EPHA6: variants seen among roughly 807,000 people sequenced by gnomAD.
EPHA6 encodes ephrin type-A receptor 6.
In EPHA6, 50 loss-of-function variants were observed where a neutral mutation model predicts 112.0. The observed-to-expected ratio is 0.45, with a 90% confidence interval of 0.36 to 0.56. The LOEUF is 0.56. EPHA6 is among the 20% of genes least tolerant of loss of function. The pLI is 0.00. For synonymous variants in EPHA6, 529 were observed against 490.7 expected, an observed-to-expected ratio of 1.08 and a Z score of -1.03; for missense variants, 1,280 against 1,417.4, an observed-to-expected ratio of 0.90 and a Z score of 1.56.
intron 3 of EPHA6, among the ~76,000 whole-genome samples, chr3:97,120,997 C>T (rs1015266725): frequency 1.3e-5 from 2 of 151,944 alleles, no homozygotes; most frequent in South Asian, 2.1e-4. Context: ...AGAAATGTTA[C>T]GTTCCTGCCA....
intron 11 of EPHA6, among the ~76,000 whole-genome samples, chr3:97,537,135 G>T (rs958900484): frequency 7.2e-5 from 11 of 152,134 alleles, no homozygotes; most frequent in African/African-American, 2.4e-4. Flanking sequence ...CTTATAATTT[G>T]TAAAGTAGAA....
At chr3:97,241,179 TA>T (rs35234856) in intron 4 of EPHA6, among the ~76,000 whole-genome samples, 14,203 of 143,690 alleles carry the variant, frequency 0.099, 1,417 homozygotes, top group Admixed American at 0.23. Context: ...GTTTTCTAGT[TA>T]AAAAAAAAAA....
At chr3:97,560,508 C>G (rs1016535977) in intron 11 of EPHA6, 31 of 152,062 alleles carry the variant, frequency 2.0e-4, no homozygotes, top group Non-Finnish European at 2.1e-4. Flanking sequence ...CCACATATGG[C>G]TGGTGGCTAC....
At chr3:97,491,618 C>CTT in intron 10 of EPHA6, among the ~76,000 whole-genome samples, 1 of 139,740 alleles carries the variant, frequency 7.2e-6, no homozygotes, top group African/African-American at 2.6e-5. Context: ...TAAGGGTATG[C>CTT]TTTTTTTTTT....
intron 5 of EPHA6, among the ~76,000 whole-genome samples, chr3:97,352,210 G>C (rs1288828660): frequency 1.3e-5 from 2 of 151,942 alleles, no homozygotes; most frequent in African/African-American, 2.4e-5. Context: ...GACAATATCA[G>C]AAATATATTT....
chr3:96,891,640 C>T (rs1575943205), intron 2 of EPHA6, among the ~76,000 whole-genome samples: 2 of 151,956 alleles, frequency 1.3e-5, no homozygotes, highest in South Asian at 2.1e-4. Context: ...ACCCGGGAGG[C>T]GGAGGTTTCA....
chr3:96,913,503 G>A (rs2039336884), intron 2 of EPHA6, among the ~76,000 whole-genome samples: 1 of 152,016 alleles, frequency 6.6e-6, no homozygotes, highest in Admixed American at 6.6e-5. Context: ...TCATAGAGAA[G>A]CTCTCTAATT....
At chr3:97,117,308 T>C (rs1180883286) in intron 3 of EPHA6, among the ~76,000 whole-genome samples, 2 of 151,742 alleles carry the variant, frequency 1.3e-5, no homozygotes, top group African/African-American at 4.8e-5. Flanking sequence ...TCCTTTGCAG[T>C]GTGTAAGATT....
chr3:97,244,166 A>G lies in EPHA6; in HGVS notation c.1485A>G (p.Ile495Met), dbSNP rs2108582143. The change falls in exon 5 of 18, where the codon ATA becomes ATG. Residue 495 changes from isoleucine to methionine, a missense_variant. Physicochemically the swap from Ile to Met is conservative, Grantham distance 10 (BLOSUM62 1). Coordinates refer to ENST00000389672, the MANE Select transcript of EPHA6 (RefSeq NM_001080448.3). Reference sequence around the variant, plus strand: ...CAGGCCTGATCAACAATTCCGTGATAGTACTTGACTTTGTGTCTCACGTGA... The same window carrying G: ...CAGGCCTGATCAACAATTCCGTGATGGTACTTGACTTTGTGTCTCACGTGA... Reference protein sequence around the residue: ...RHTGLINNSVIVLDFVSHVNY... With the variant: ...RHTGLINNSVMVLDFVSHVNY... 1 of 1,613,184 alleles carries G rather than the reference A, an allele frequency of 6.2e-7. No homozygotes were observed. The highest frequency in any genetic ancestry group is 8.5e-7 in the Non-Finnish European group (1 of 1,179,386).
At chr3:97,175,650 T>C (rs1011116499) in intron 3 of EPHA6, among the ~76,000 whole-genome samples, 2 of 151,916 alleles carry the variant, frequency 1.3e-5, no homozygotes, top group Non-Finnish European at 2.9e-5. Context: ...TGTGTGGCTA[T>C]TGTAAATGTA....
intron 10 of EPHA6, among the ~76,000 whole-genome samples, chr3:97,522,530 C>G (rs2092559714): frequency 6.6e-6 from 1 of 152,058 alleles, no homozygotes; most frequent in South Asian, 2.1e-4. Context: ...TTGTTCTTGT[C>G]TGGCTTCAGT....
Position 97,608,861 on chromosome 3 carries a change from G to T in EPHA6, c.2513-1932G>T, listed in dbSNP as rs146108174. 6.4e-4 allele frequency among the ~76,000 whole-genome samples: 97 copies of T among 151,418 alleles called. 1 individual carries two copies. Among genetic ancestry groups the T allele is most frequent in the African/African-American group, 2.3e-3 (94 of 41,458 alleles). Reference sequence around the variant, plus strand: ...TTTTATCTATAAATGCTGTCTGAAAGGCACCTATAGCATAAAGGTTAAGAT... The same window carrying T: ...TTTTATCTATAAATGCTGTCTGAAATGCACCTATAGCATAAAGGTTAAGAT... On this transcript the variant is annotated intron_variant, in intron 12 of 17. Coordinates refer to ENST00000389672, the MANE Select transcript of EPHA6 (RefSeq NM_001080448.3).
At chr3:97,002,888 G>A (rs997154235) in intron 3 of EPHA6, among the ~76,000 whole-genome samples, 5 of 152,078 alleles carry the variant, frequency 3.3e-5, no homozygotes, top group African/African-American at 1.2e-4. Context: ...AAAATATATA[G>A]TATTAACTTC....
intron 2 of EPHA6, among the ~76,000 whole-genome samples, chr3:96,953,886 T>G (rs2041654317): frequency 6.6e-6 from 1 of 152,078 alleles, no homozygotes; most frequent in Non-Finnish European, 1.5e-5. Flanking sequence ...ACTTTTTTTT[T>G]TTTTGAGACA....
intron 5 of EPHA6, among the ~76,000 whole-genome samples, chr3:97,305,967 A>G (rs2108737137): frequency 6.6e-6 from 1 of 152,108 alleles, no homozygotes; most frequent in East Asian, 1.9e-4. Flanking sequence ...AGCCAACACA[A>G]GCAAAGTTTA....
At chr3:96,938,718 C>T (rs2040751563) in intron 2 of EPHA6, among the ~76,000 whole-genome samples, 1 of 151,458 alleles carries the variant, frequency 6.6e-6, no homozygotes, top group African/African-American at 2.4e-5. Flanking sequence ...CAGTTTTTGC[C>T]CATTCAGTGT....
chr3:97,308,815 A>T (rs1257217413), intron 5 of EPHA6, among the ~76,000 whole-genome samples: 1 of 151,762 alleles, frequency 6.6e-6, no homozygotes, highest in Non-Finnish European at 1.5e-5. Flanking sequence ...CGAGTATGGC[A>T]CATCATGTGC....
intron 2 of EPHA6, among the ~76,000 whole-genome samples, chr3:96,956,831 G>A (rs776530827): frequency 2.6e-5 from 4 of 151,936 alleles, no homozygotes; most frequent in Non-Finnish European, 4.4e-5. Flanking sequence ...TCCGGAGTTC[G>A]AGACCAGCCT....
intron 4 of EPHA6, among the ~76,000 whole-genome samples, chr3:97,237,228 T>C (rs2078705675): frequency 6.6e-6 from 1 of 151,884 alleles, no homozygotes; most frequent in African/African-American, 2.4e-5. Context: ...TAGACTTCAC[T>C]TATCATAAAA....
Sources: gnomAD v4.1 joint callset for allele counts (sites outside exome capture counted in the v4.1 genomes callset) on GRCh38, gnomAD v4.1.1 for gene constraint, MANE v1.5 for transcripts, NCBI Gene and HGNC (gene_info 2026-07-23, HGNC 2026-07-21) for gene names.